ODF2: variants seen among roughly 807,000 people sequenced by gnomAD.
ODF2 encodes the protein outer dense fiber of sperm tails 2, also known as outer dense fiber protein 2.
In ODF2, 47 loss-of-function variants were observed where a neutral mutation model predicts 110.2. The observed-to-expected ratio is 0.43, with a 90% CI of 0.34 to 0.54. The LOEUF is 0.54. ODF2 is among the 20% of genes least tolerant of loss of function. The pLI, the probability that ODF2 is intolerant of heterozygous loss-of-function variation, is 0.03. For missense variants in ODF2, 812 were observed against 1,054.5 expected (o/e 0.77, Z 3.19); for synonymous variants, 352 against 397.7 (o/e 0.89, Z 1.37).
chr9:128,474,588 G>C (rs913058045), intron 8 of ODF2, among the ~76,000 whole-genome samples: 1 of 152,108 alleles, frequency 6.6e-6, no homozygotes, highest in Non-Finnish European at 1.5e-5. Flanking sequence ...TTGAACCCAG[G>C]AGGCAGAGGT....
At position 128,494,744 on chromosome 9, in the gene ODF2, C is replaced by G. The variant is rs368317641; in HGVS notation, c.1911+76C>G. 1.4e-3 allele frequency: 2,302 copies of G among 1,613,396 alleles called. No individual in the cohort carries two copies. The highest frequency in any genetic ancestry group is 2.9e-3 in the Middle Eastern group (17 of 5,768). ...CATACCAAGATGAGCTGCACGCCCC[C>G]CAAGGGAGGACTACTTCCTTTTTCT... On this transcript the variant is annotated intron_variant, in intron 17 of 20. Coordinates refer to ENST00000604420, the Ensembl canonical transcript of ODF2. This position sits in a 1 kb window ranked among gnomAD's most constrained non-coding sequence, Gnocchi z 4.6.
intron 4 of ODF2, 165 bp downstream of exon 4, chr9:128,461,232 C>T: frequency 3.6e-6 from 3 of 836,038 alleles, no homozygotes; most frequent in Non-Finnish European, 5.5e-6. Flanking sequence ...TTCTTGAGTT[C>T]TTATGATACT....
exon 7 of ODF2, chr9:128,472,923 A>G: frequency 6.2e-7 from 1 of 1,614,022 alleles, no homozygotes; most frequent in Non-Finnish European, 8.5e-7. Flanking sequence ...ACTTCAGAAG[A>G]AACACCTACA....
At chr9:128,491,614 A>T (rs1844567343) in intron 14 of ODF2, among the ~76,000 whole-genome samples, 1 of 151,760 alleles carries the variant, frequency 6.6e-6, no homozygotes, top group Non-Finnish European at 1.5e-5. Context: ...CATTGAGCCA[A>T]GGTTGTGCCT....
exon 5 of ODF2, chr9:128,469,190 C>T (rs544503157): frequency 3.1e-6 from 5 of 1,613,846 alleles, no homozygotes; most frequent in South Asian, 2.2e-5. Flanking sequence ...CAGAATCCAC[C>T]TCATTGCCTG....
chr9:128,490,702 TC>T (rs572217966), intron 14 of ODF2, among the ~76,000 whole-genome samples: 1 of 152,170 alleles, frequency 6.6e-6, no homozygotes, highest in Non-Finnish European at 1.5e-5. Flanking sequence ...TTCTAGATTA[TC>T]CCCCAGTACT....
At chr9:128,461,312 CAG>C in intron 4 of ODF2, 1 of 496,516 alleles carries the variant, frequency 2.0e-6, no homozygotes, top group Non-Finnish European at 3.6e-6. Context: ...GTGATTTTCC[CAG>C]AGTCACAGAG....
intron 20 of ODF2, 75 bp from the exon 21 acceptor site, chr9:128,499,992 G>C: frequency 6.5e-7 from 1 of 1,542,236 alleles, no homozygotes; most frequent in East Asian, 2.3e-5. Context: ...CAACTCCTAA[G>C]AAAGTCCCTA....
At chr9:128,483,826 C>T in intron 10 of ODF2, 112 bp from the exon 11 acceptor site, 1 of 760,326 alleles carries the variant, frequency 1.3e-6, no homozygotes, top group African/African-American at 1.7e-5. Context: ...GTGGAGGTTG[C>T]AGTGAGCTGA....
At chr9:128,457,142 T>TCCTCCCCTC (rs2131398817) in intron 1 of ODF2, 1 of 1,463,788 alleles carries the variant, frequency 6.8e-7, no homozygotes, top group East Asian at 2.9e-5. Flanking sequence ...CCCCTCCCCT[T>TCCTCCCCTC]CCTCCCCTCT....
In ODF2 at chr9:128,482,915, T is replaced by TTA. The variant is rs1554841375; in HGVS notation, c.987+28_987+29insTA. ...AGTGTGCTTTTTTTTTTTTTTTTTT[T>TTA]AGACGGAGTCTCGCTCTGTCGCCAG... On this transcript the variant is annotated intron_variant, in intron 10 of 20. Transcript: ENST00000604420. The TTA allele has an allele frequency of 4.1e-4, 412 of 1,007,432 alleles. 1 individual carries two copies. The highest frequency in any genetic ancestry group is 1.7e-3 in the East Asian group (66 of 38,320). The allele number at this position is 1,007,432 out of a possible 1,614,324, so 62.4% of individuals were successfully genotyped here.
chr9:128,458,666 C>T (rs1835607207), intron 2 of ODF2, among the ~76,000 whole-genome samples: 1 of 149,970 alleles, frequency 6.7e-6, no homozygotes, highest in Non-Finnish European at 1.5e-5. Flanking sequence ...GTGAATTAGA[C>T]ATGGCATTAA....
chr9:128,457,078 T>C (rs191301989), intron 1 of ODF2: 4 of 1,337,666 alleles, frequency 3.0e-6, no homozygotes, highest in Admixed American at 5.1e-5. Context: ...CCACCGGCAG[T>C]CCTCCGCGTG....
intron 18 of ODF2, among the ~76,000 whole-genome samples, chr9:128,496,584 G>A (rs1405909468): frequency 6.6e-6 from 1 of 152,254 alleles, no homozygotes; most frequent in South Asian, 2.1e-4. Flanking sequence ...TGAAGGGTAC[G>A]GCTTTGGGAA....
chr9:128,498,194 C>T (rs1014915339), intron 18 of ODF2: 12 of 499,034 alleles, frequency 2.4e-5, no homozygotes, highest in Middle Eastern at 5.4e-4. Context: ...TCAGTCTCTG[C>T]GTTCCCACCC....
chr9:128,482,890 AG>A lies in ODF2; in HGVS notation c.987+4del. 3 of 1,196,364 alleles carry A rather than the reference AG, an allele frequency of 2.5e-6. No homozygotes were observed. The highest frequency in any genetic ancestry group is 2.4e-6 in the Non-Finnish European group (2 of 834,708). The allele number at this position is 1,196,364 out of a possible 1,614,324, so 74.1% of individuals were successfully genotyped here. A position where few individuals can be genotyped will look rare whatever the true frequency, so the allele number is the denominator to read the frequency against. On this transcript the variant is annotated splice_donor_region_variant and intron_variant, in intron 10 of 20. Coordinates refer to ENST00000604420, the Ensembl canonical transcript of ODF2. ...TTCAGGAAATACAATGTGAGAAGGT[AG>A]TGTGCTTTTTTTTTTTTTTTTTTTA...
chr9:128,458,585 CTTT>C (rs1267169998), intron 2 of ODF2, among the ~76,000 whole-genome samples: 2 of 139,244 alleles, frequency 1.4e-5, no homozygotes, highest in African/African-American at 2.6e-5. Context: ...TGCTCTCTCT[CTTT>C]TTTTTTTTTT....
chr9:128,497,955 T>A (rs1380638681), intron 18 of ODF2: 1 of 152,914 alleles, frequency 6.5e-6, no homozygotes, highest in Non-Finnish European at 1.5e-5. Flanking sequence ...AGATGTTGAG[T>A]GGTGTAGCTG....
exon 21 of ODF2, chr9:128,500,385 C>G: frequency 1.2e-6 from 1 of 834,146 alleles, no homozygotes; most frequent in Non-Finnish European, 1.9e-6. Context: ...TCCTTAGCTA[C>G]TAGCTCTAGA....
Sources: gnomAD v4.1 joint callset for allele counts (sites outside exome capture counted in the v4.1 genomes callset) on GRCh38, gnomAD v4.1.1 for gene constraint, Gnocchi (gnomAD v3.1) non-coding constraint, MANE v1.5 for transcripts, NCBI Gene and HGNC (gene_info 2026-07-23, HGNC 2026-07-21) for gene names.